Variants in AGO3 observed in about 807,000 individuals in gnomAD.
AGO3 encodes protein argonaute-3.
AGO3 carries 16 observed loss-of-function variants against 105.5 expected under a neutral mutation model. The ratio of observed to expected loss-of-function variants is 0.15; its 90% CI spans 0.10 to 0.23. The LOEUF (loss-of-function observed/expected upper bound fraction) is 0.23, where lower values mean the gene tolerates loss of function less well. AGO3 is among the 10% of genes least tolerant of loss of function. The probability of loss-of-function intolerance (pLI) is 1.00; values close to 1 mark genes in which losing one functional copy is unlikely to be tolerated. For synonymous variants in AGO3, 340 were observed against 367.3 expected, an observed-to-expected ratio of 0.93 and a Z score of 0.85; for missense variants, 534 against 1,088.0, an observed-to-expected ratio of 0.49 and a Z score of 7.16.
chr1:35,950,052 C>T (rs950007500), intron 2 of AGO3, among the ~76,000 whole-genome samples: 2 of 152,128 alleles, frequency 1.3e-5, no homozygotes, highest in Non-Finnish European at 2.9e-5. Context: ...GAAACCCCGT[C>T]TCTACTAAAA....
intron 12 of AGO3, among the ~76,000 whole-genome samples, chr1:36,028,347 C>T (rs1177445043): frequency 1.3e-5 from 2 of 151,450 alleles, no homozygotes; most frequent in African/African-American, 4.9e-5. Flanking sequence ...GCTGCACACA[C>T]TAACTCGTTA....
chr1:36,020,685 G>A (rs1372307609), intron 11 of AGO3, among the ~76,000 whole-genome samples: 2 of 151,918 alleles, frequency 1.3e-5, no homozygotes, highest in African/African-American at 4.8e-5. Flanking sequence ...GTGCTATCTC[G>A]GCTCACTGCA....
At chr1:36,006,776 C>G (rs1640355230) in intron 6 of AGO3, among the ~76,000 whole-genome samples, 1 of 152,084 alleles carries the variant, frequency 6.6e-6, no homozygotes, top group South Asian at 2.1e-4. Context: ...AGGAGCACTT[C>G]CAAAGAAAAA....
At chr1:35,946,590 T>C (rs140704621) in intron 2 of AGO3, among the ~76,000 whole-genome samples, 1 of 152,368 alleles carries the variant, frequency 6.6e-6, no homozygotes, top group East Asian at 1.9e-4. Context: ...TTAAATGTTA[T>C]TAAGAGTCTT....
At chr1:36,004,120 T>TA in intron 5 of AGO3, 1 of 405,858 alleles carries the variant, frequency 2.5e-6, no homozygotes, top group Non-Finnish European at 4.4e-6. Flanking sequence ...ATCAGTTACT[T>TA]ACGATGAAAG....
intron 1 of AGO3, among the ~76,000 whole-genome samples, chr1:35,945,357 CTTCTACT>C (rs915086382): frequency 1.3e-5 from 2 of 152,006 alleles, no homozygotes; most frequent in Admixed American, 6.6e-5. Flanking sequence ...CCTGCCCTTT[CTTCTACT>C]TTCTTTAACT....
At position 36,071,235 on chromosome 1, in the gene AGO3, G is replaced by A. The variant is rs978772520; in HGVS notation, c.*15490G>A. The A allele has an allele frequency of 6.6e-6, 1 of 152,054 alleles. No homozygotes were observed. The highest frequency in any genetic ancestry group is 2.4e-5 in the African/African-American group (1 of 41,394). 9.4% of individuals were successfully genotyped at this position (152,054 alleles called of 1,614,324 possible). A position where few individuals can be genotyped will look rare whatever the true frequency, so the allele number is the denominator to read the frequency against. On this transcript the variant is annotated 3_prime_UTR_variant, in exon 19 of 19. Transcript: ENST00000373191. Reference sequence around the variant, plus strand: ...CAATACAAAACAAAAAAAACCCTAAGTAATGGAGGAAGAAATAGCATTCTT... The same window carrying A: ...CAATACAAAACAAAAAAAACCCTAAATAATGGAGGAAGAAATAGCATTCTT...
intron 5 of AGO3, among the ~76,000 whole-genome samples, chr1:35,998,208 T>C (rs935063040): frequency 6.6e-6 from 1 of 152,198 alleles, no homozygotes; most frequent in African/African-American, 2.4e-5. Context: ...CTGTTTTATT[T>C]ATCTGAATTC....
intron 11 of AGO3, among the ~76,000 whole-genome samples, chr1:36,016,484 G>A (rs1050560935): frequency 2.6e-5 from 4 of 152,076 alleles, no homozygotes; most frequent in South Asian, 2.1e-4. Flanking sequence ...GCCTGGCCTA[G>A]GTTACAGTTT....
chr1:36,029,748 A>G (rs2148837391), intron 12 of AGO3, among the ~76,000 whole-genome samples: 1 of 145,260 alleles, frequency 6.9e-6, no homozygotes, highest in African/African-American at 2.6e-5. Context: ...GCTGGAGTGC[A>G]GTGGCATGAT....
chr1:36,012,382 G>A (rs1640662804), intron 9 of AGO3, among the ~76,000 whole-genome samples: 1 of 151,582 alleles, frequency 6.6e-6, no homozygotes, highest in Admixed American at 6.6e-5. Flanking sequence ...CCTGCTTATT[G>A]TGGAGAGATT....
chr1:36,044,420 G>GTTTT (rs751640178), intron 17 of AGO3, among the ~76,000 whole-genome samples: 1 of 150,196 alleles, frequency 6.7e-6, no homozygotes, highest in Non-Finnish European at 1.5e-5. Flanking sequence ...GTTTTGTTTT[G>GTTTT]TTTGTTTGTT....
chr1:35,950,559 T>C (rs1296720035), intron 2 of AGO3, among the ~76,000 whole-genome samples: 1 of 152,206 alleles, frequency 6.6e-6, no homozygotes, highest in Non-Finnish European at 1.5e-5. Context: ...GGGGGCCAAG[T>C]TGGGGAAGGA....
chr1:36,010,667 G>A lies in AGO3; in HGVS notation c.1149+1073G>A, dbSNP rs567225483. On this transcript the variant is annotated intron_variant, in intron 9 of 18. Transcript: ENST00000373191. ...TCATGCCTGTAATCCCAGCACTTTC[G>A]GAGGCCGAGGGGGGCGGATCACCTG... Among the ~76,000 whole-genome samples, 12 of 151,434 alleles carry A rather than the reference G, an allele frequency of 7.9e-5. No individual in the cohort carries two copies. In the South Asian group the frequency reaches 2.3e-3, roughly 29 times the overall value.
chr1:35,965,828 T>G, intron 2 of AGO3, among the ~76,000 whole-genome samples: 1 of 149,210 alleles, frequency 6.7e-6, no homozygotes, highest in South Asian at 2.1e-4. Context: ...CTCTTTTTTT[T>G]TTTTTTTTTT....
Position 35,972,223 on chromosome 1 carries a change from C to T in AGO3, c.512C>T (p.Pro171Leu). Residue 171 changes from proline (P) to leucine (L), a missense_variant, in exon 4 of 19, where the codon CCC becomes CTC. Around this residue, in one of 2 missense-constraint regions of AGO3, gnomAD observed 161 missense variants for 234.0 expected, o/e 0.69. Transcript: ENST00000373191. Reference protein sequence around the residue: ...HAVDVVLRHLPSMKYTPVGRS... With the variant: ...HAVDVVLRHLLSMKYTPVGRS... ...GTTGATGTGGTGCTACGACATCTGC[C>T]CTCCATGAAGTGGGTGCTTCTGCTT... 6.2e-7 allele frequency: 1 copy of T among 1,613,668 alleles called. No individual in the cohort carries two copies. Among genetic ancestry groups the T allele is most frequent in the Non-Finnish European group, 8.5e-7 (1 of 1,179,988 alleles).
intron 2 of AGO3, among the ~76,000 whole-genome samples, chr1:35,958,747 C>T (rs1171864781): frequency 1.3e-5 from 2 of 152,094 alleles, no homozygotes; most frequent in African/African-American, 4.8e-5. Context: ...TATTTATTGG[C>T]TACCTTCTCT....
intron 11 of AGO3, among the ~76,000 whole-genome samples, chr1:36,022,958 GAAAC>G (rs1641317993): frequency 6.8e-6 from 1 of 147,160 alleles, no homozygotes; most frequent in Non-Finnish European, 1.5e-5. Flanking sequence ...AAAAAAAAGA[GAAAC>G]AAAGGGCATA....
intron 5 of AGO3, among the ~76,000 whole-genome samples, chr1:35,982,318 G>T (rs1210601239): frequency 6.6e-6 from 1 of 152,080 alleles, no homozygotes; most frequent in Admixed American, 6.6e-5. Context: ...AAATCACAGA[G>T]AAAATTTTGA....
Sources: allele counts gnomAD v4.1 joint callset (sites outside exome capture counted in the v4.1 genomes callset), GRCh38; gene constraint gnomAD v4.1.1; regional missense constraint gnomAD v4.1.1; transcripts MANE v1.5; gene names NCBI Gene and HGNC (gene_info 2026-07-23, HGNC 2026-07-21).